Variants in C8orf34 observed in about 807,000 individuals in gnomAD.
C8orf34 encodes the protein chromosome 8 open reading frame 34.
In C8orf34, 65 loss-of-function variants were observed where a neutral mutation model predicts 68.3. That is an observed-to-expected ratio of 0.95 (90% CI 0.78 to 1.17). The LOEUF (loss-of-function observed/expected upper bound fraction) is 1.17. C8orf34 is among the 50% of genes most tolerant of loss of function. The pLI is 0.00. For missense variants in C8orf34, 664 were observed against 655.4 expected, an observed-to-expected ratio of 1.01 and a Z score of -0.14; for synonymous variants, 244 against 241.2, an observed-to-expected ratio of 1.01 and a Z score of -0.11.
chr8:68,668,437 T>C (rs920999282), intron 8 of C8orf34, among the ~76,000 whole-genome samples: 2 of 152,136 alleles, frequency 1.3e-5, no homozygotes, highest in African/African-American at 4.8e-5. Context: ...TACACAGGCT[T>C]TCCTTCAACT....
intron 7 of C8orf34, among the ~76,000 whole-genome samples, chr8:68,603,176 G>A (rs1817748874): frequency 6.6e-6 from 1 of 151,972 alleles, no homozygotes; most frequent in Non-Finnish European, 1.5e-5. Context: ...GAAGCACCTG[G>A]GAGGAAGGCA....
intron 1 of C8orf34, among the ~76,000 whole-genome samples, chr8:68,378,045 C>T (rs566494134): frequency 6.6e-6 from 1 of 152,244 alleles, no homozygotes; most frequent in East Asian, 1.9e-4. Flanking sequence ...CCTGGTCCCA[C>T]CCTCGACATG....
At chr8:68,511,589 G>A (rs1814278801) in intron 5 of C8orf34, among the ~76,000 whole-genome samples, 1 of 152,054 alleles carries the variant, frequency 6.6e-6, no homozygotes, top group Non-Finnish European at 1.5e-5. Flanking sequence ...TGAAACTAGA[G>A]GCAAGGGGCG....
chr8:68,715,765 T>G (rs1458218238), intron 9 of C8orf34, among the ~76,000 whole-genome samples: 1 of 152,112 alleles, frequency 6.6e-6, no homozygotes, highest in East Asian at 1.9e-4. Context: ...GGAGATTCCT[T>G]AAATAACTAA....
At chr8:68,576,994 A>G (rs984970005) in intron 7 of C8orf34, among the ~76,000 whole-genome samples, 2 of 152,046 alleles carry the variant, frequency 1.3e-5, no homozygotes, top group Non-Finnish European at 2.9e-5. Context: ...ATTTGTAAAT[A>G]TTGGAAAATG....
In C8orf34 at chr8:68,551,143, A is replaced by G. The variant is rs1816055942; in HGVS notation, c.1105+17994A>G. 2.0e-5 allele frequency among the ~76,000 whole-genome samples: 3 copies of G among 151,790 alleles called. No individual in the cohort carries two copies. The South Asian group carries it at 6.2e-4, about 32-fold the overall frequency. ...TCTCTTCCTGGTATTTTCATTATGC[A>G]TATGTTACATTTTATACAATTGCCC... On this transcript the variant is annotated intron_variant, in intron 7 of 13. Coordinates refer to ENST00000518698, the MANE Select transcript of C8orf34 (RefSeq NM_052958.4).
At chr8:68,564,970 A>T (rs540742205) in intron 7 of C8orf34, among the ~76,000 whole-genome samples, 1 of 152,184 alleles carries the variant, frequency 6.6e-6, no homozygotes, top group African/African-American at 2.4e-5. Context: ...TGGGTTGAGA[A>T]TAGGGTGCCT....
At chr8:68,396,712 CAAAAAAAAAAAA>C (rs56946858) in intron 1 of C8orf34, among the ~76,000 whole-genome samples, 10 of 18,700 alleles carry the variant, frequency 5.3e-4, no homozygotes, top group South Asian at 3.2e-3. Flanking sequence ...AGCTGCTTGT[CAAAAAAAAAAAA>C]AAAAAAAAAA....
intron 12 of C8orf34, among the ~76,000 whole-genome samples, chr8:68,808,063 G>A (rs1186817144): frequency 6.6e-6 from 1 of 152,090 alleles, no homozygotes; most frequent in Non-Finnish European, 1.5e-5. Flanking sequence ...GGAATTGGTA[G>A]ATACCTTTAG....
intron 5 of C8orf34, among the ~76,000 whole-genome samples, chr8:68,512,213 TAAC>T (rs1814306353): frequency 6.6e-6 from 1 of 152,250 alleles, no homozygotes; most frequent in African/African-American, 2.4e-5. Context: ...TAACTTAACA[TAAC>T]AACGTTAATT....
chr8:68,653,135 A>G (rs1209325523), intron 8 of C8orf34, among the ~76,000 whole-genome samples: 3 of 152,244 alleles, frequency 2.0e-5, no homozygotes, highest in Non-Finnish European at 4.4e-5. Context: ...CAAGATTCTT[A>G]GTGCAGTTTA....
chr8:68,788,678 G>A (rs1400850565), intron 12 of C8orf34, among the ~76,000 whole-genome samples: 2 of 152,066 alleles, frequency 1.3e-5, no homozygotes, highest in African/African-American at 4.8e-5. Context: ...GGCCAACATG[G>A]TGAAACCCCG....
In C8orf34 at chr8:68,610,862, T is replaced by TTTTG. The variant is rs1425084257; in HGVS notation, c.1106-29511_1106-29510insGTTT. On this transcript the variant is annotated intron_variant, in intron 7 of 13. Transcript: ENST00000518698. ...TTTTCTGGTTACAGTGAATCTTTGG[T>TTTTG]TTTTTTTTTTTTTTTTTTTGAGACA... 4.7e-4 allele frequency among the ~76,000 whole-genome samples: 41 copies of TTTTG among 86,354 alleles called. 1 individual carries two copies. The highest frequency in any genetic ancestry group is 2.6e-3 in the African/African-American group (37 of 14,276). 56.7% of individuals were successfully genotyped at this position (86,354 alleles called of 152,430 possible).
intron 8 of C8orf34, among the ~76,000 whole-genome samples, chr8:68,650,126 A>C (rs1243175004): frequency 6.6e-6 from 1 of 152,220 alleles, no homozygotes; most frequent in African/African-American, 2.4e-5. Context: ...TAAAATATTA[A>C]GAATAATTCT....
At chr8:68,397,085 C>T (rs574578885) in intron 1 of C8orf34, among the ~76,000 whole-genome samples, 3 of 152,162 alleles carry the variant, frequency 2.0e-5, no homozygotes, top group Non-Finnish European at 2.9e-5. Context: ...TGGCTCACCG[C>T]ATCCTCCATC....
At chr8:68,414,099 G>A (rs1450240659) in intron 1 of C8orf34, among the ~76,000 whole-genome samples, 1 of 152,056 alleles carries the variant, frequency 6.6e-6, no homozygotes, top group African/African-American at 2.4e-5. Flanking sequence ...TTTTTACCTT[G>A]AGGCCTCAGA....
intron 7 of C8orf34, among the ~76,000 whole-genome samples, chr8:68,618,463 C>T (rs1361498231): frequency 1.3e-5 from 2 of 152,094 alleles, no homozygotes; most frequent in Non-Finnish European, 2.9e-5. Flanking sequence ...GATCCTCCCA[C>T]CTCAGCTTCC....
At chr8:68,581,382 C>T (rs1235244873) in intron 7 of C8orf34, among the ~76,000 whole-genome samples, 1 of 151,998 alleles carries the variant, frequency 6.6e-6, no homozygotes, top group Non-Finnish European at 1.5e-5. Flanking sequence ...GGTCTTATGA[C>T]CTGCTTCAGG....
At chr8:68,745,475 G>C (rs941343105) in intron 10 of C8orf34, among the ~76,000 whole-genome samples, 9 of 152,110 alleles carry the variant, frequency 5.9e-5, no homozygotes, top group African/African-American at 2.2e-4. Context: ...TCAGTGTGCT[G>C]TATTCAGGAA....
Sources: allele counts gnomAD v4.1 joint callset (sites outside exome capture counted in the v4.1 genomes callset), GRCh38; gene constraint gnomAD v4.1.1; transcripts MANE v1.5; gene names NCBI Gene and HGNC (gene_info 2026-07-23, HGNC 2026-07-21).